Variants in ZDHHC24 observed in about 807,000 individuals in gnomAD.
ZDHHC24 encodes probable palmitoyltransferase ZDHHC24.
In ZDHHC24, 17 loss-of-function variants were observed where a neutral mutation model predicts 23.2. The ratio of observed to expected loss-of-function variants is 0.73; its 90% CI spans 0.50 to 1.10. The LOEUF (loss-of-function observed/expected upper bound fraction) is 1.10. Among genes scored for constraint, ZDHHC24 ranks in the 50% least tolerant of loss-of-function variants. ZDHHC24 has a pLI of 0.00. For missense variants in ZDHHC24, 366 were observed against 393.0 expected, an observed-to-expected ratio of 0.93 and a Z score of 0.58; for synonymous variants, 186 against 194.5, an observed-to-expected ratio of 0.96 and a Z score of 0.36.
chr11:66,532,110 A>G, downstream of ZDHHC24: 1 of 1,460,172 alleles, frequency 6.8e-7, no homozygotes, highest in South Asian at 1.2e-5. Context: ...CCCCAGGCCC[A>G]CTCCTCATGC....
Position 66,545,622 on chromosome 11 carries a change from T to C in ZDHHC24, c.281+101A>G, listed in dbSNP as rs1565299669. On this transcript the variant is annotated intron_variant, in intron 1 of 2. Transcript: ENST00000310442. The surrounding 1 kb of genome is among the most constrained non-coding windows in gnomAD (Gnocchi z 4.5). Reference sequence around the variant, plus strand: ...AAAAAAATGTCTGATTCTAACAACCTGGATCCTAATGTAACCCGGTTCTAA... The same window carrying C: ...AAAAAAATGTCTGATTCTAACAACCCGGATCCTAATGTAACCCGGTTCTAA... The C allele has an allele frequency of 2.3e-6, 3 of 1,299,656 alleles. No individual in the cohort carries two copies. The highest frequency in any genetic ancestry group is 3.0e-6 in the Non-Finnish European group (3 of 989,738). 80.5% of individuals were successfully genotyped at this position (1,299,656 alleles called of 1,614,324 possible). A position where few individuals can be genotyped will look rare whatever the true frequency, so the allele number is the denominator to read the frequency against.
In ZDHHC24 at chr11:66,539,667, C is replaced by G; in HGVS notation, c.717G>C (p.Leu239=). 1.2e-6 allele frequency: 2 copies of G among 1,611,454 alleles called. No homozygotes were observed. Among genetic ancestry groups the G allele is most frequent in the South Asian group, 1.1e-5 (1 of 90,872 alleles). ...CTGCCTGCAGGTTGTGGCAGGGACC[C>G]AGGTCATAGGAGTGCTGGCCCCGAG... ...EWARGQHSYD[L]GPCHNLQAAL... The change falls in exon 3 of 3, where the codon CTG becomes CTC. Residue 239 remains leucine (L), a synonymous_variant. Coordinates refer to ENST00000310442, the MANE Select transcript of ZDHHC24 (RefSeq NM_207340.3).
intron 4 of ZDHHC24, chr11:66,526,922 G>T: frequency 6.2e-7 from 1 of 1,603,236 alleles, no homozygotes; most frequent in Non-Finnish European, 8.5e-7. Flanking sequence ...CGGCCAACTA[G>T]GTAGGTCACT....
chr11:66,531,011 C>T (rs535565890), downstream of ZDHHC24: 1 of 1,614,244 alleles, frequency 6.2e-7, no homozygotes, highest in South Asian at 1.1e-5. Flanking sequence ...CTATTCCCTG[C>T]CCCGGGCCTT....
In ZDHHC24 at chr11:66,537,926, C is replaced by CAAATAAAATAAAATAAAATA. The variant is rs111422692; in HGVS notation, c.*1583_*1602dup. On this transcript the variant is annotated 3_prime_UTR_variant, in exon 3 of 3. Transcript: ENST00000310442. ...CTGGCAACAGAACAAGAGTCTGTCTCAAATAAAATAAAATAAAATAAAATA... is the reference window on the plus strand; with the variant it reads ...CTGGCAACAGAACAAGAGTCTGTCTCAAATAAAATAAAATAAAATAAAATAAAATAAAATAAAATAAAATA... The CAAATAAAATAAAATAAAATA allele has an allele frequency of 1.4e-5, 2 of 140,068 alleles. No individual in the cohort carries two copies. Among genetic ancestry groups the CAAATAAAATAAAATAAAATA allele is most frequent in the Non-Finnish European group, 3.1e-5 (2 of 63,622 alleles). The allele number at this position is 140,068 out of a possible 1,614,324, so 8.7% of individuals were successfully genotyped here. A position where few individuals can be genotyped will look rare whatever the true frequency, so the allele number is the denominator to read the frequency against.
In ZDHHC24 at chr11:66,535,913, T is replaced by C. The variant is rs1339628194; in HGVS notation, c.*3616A>G. ...TGGAACCACATAGAAAAATCAATTA[T>C]TGTATTTTCAATGGATCACTAGGCA... On this transcript the variant is annotated 3_prime_UTR_variant, in exon 3 of 3. Coordinates refer to ENST00000310442, the MANE Select transcript of ZDHHC24 (RefSeq NM_207340.3). The C allele has an allele frequency of 6.6e-6, 1 of 152,128 alleles. No homozygotes were observed. The highest frequency in any genetic ancestry group is 1.5e-5 in the Non-Finnish European group (1 of 68,038). The allele number at this position is 152,128 out of a possible 1,614,324, so 9.4% of individuals were successfully genotyped here. A position where few individuals can be genotyped will look rare whatever the true frequency, so the allele number is the denominator to read the frequency against.
intron 3 of ZDHHC24, among the ~76,000 whole-genome samples, chr11:66,528,885 T>C (rs570370789): frequency 1.3e-5 from 2 of 149,688 alleles, no homozygotes; most frequent in African/African-American, 4.9e-5. Context: ...GGAGAATCGA[T>C]TGAACCCGGG....
chr11:66,526,613 G>C (rs756709192), intron 4 of ZDHHC24: 46 of 1,613,848 alleles, frequency 2.9e-5, no homozygotes, highest in Non-Finnish European at 3.8e-5. Context: ...GTAGAACTGG[G>C]GAGGACAAAT....
At chr11:66,521,256 C>A (rs1330178011) in exon 5 of ZDHHC24, 1 of 1,608,678 alleles carries the variant, frequency 6.2e-7, no homozygotes, top group African/African-American at 1.3e-5. Flanking sequence ...AGTGTTTGCG[C>A]TTCTTGTTTG....
chr11:66,530,749 C>T, downstream of ZDHHC24: 1 of 1,223,426 alleles, frequency 8.2e-7, no homozygotes, highest in Non-Finnish European at 1.2e-6. Context: ...CCCTCTGCCC[C>T]TTCTGGTCTT....
rs1037953533 is a variant in ZDHHC24 at position 66,545,143 on chromosome 11, A to C, written c.281+580T>G. Among the ~76,000 whole-genome samples the C allele has an allele frequency of 6.6e-6, 1 of 152,014 alleles. No homozygotes were observed. Among genetic ancestry groups the C allele is most frequent in the African/African-American group, 2.4e-5 (1 of 41,382 alleles). ...CAACCTCCGCCTCCCAGGTTCAAAC[A>C]ATTCTCTTGCCTCAGCCTCCCCAGT... On this transcript the variant is annotated intron_variant, in intron 1 of 2. Transcript: ENST00000310442. This position sits in a 1 kb window ranked among gnomAD's most constrained non-coding sequence, Gnocchi z 4.5.
intron 2 of ZDHHC24, among the ~76,000 whole-genome samples, chr11:66,540,899 C>T (rs1653534812): frequency 6.6e-6 from 1 of 152,048 alleles, no homozygotes; most frequent in Non-Finnish European, 1.5e-5. Context: ...TTTATCATCC[C>T]ACTTATGTGA....
intron 4 of ZDHHC24, chr11:66,521,611 A>G (rs1856220461): frequency 5.7e-6 from 3 of 529,544 alleles, no homozygotes; most frequent in Non-Finnish European, 6.8e-6. Flanking sequence ...GAGTGATCAG[A>G]AATGAGAGGA....
downstream of ZDHHC24, chr11:66,520,700 A>G (rs1193246229): frequency 5.7e-6 from 1 of 174,604 alleles, no homozygotes; most frequent in Non-Finnish European, 1.3e-5. Flanking sequence ...TATTAATACC[A>G]ATGCTATAGA....
At chr11:66,523,990 TTTG>T in intron 4 of ZDHHC24, 2 of 1,505,608 alleles carry the variant, frequency 1.3e-6, no homozygotes, top group Non-Finnish European at 1.8e-6. Context: ...TTCAAAAACA[TTTG>T]TTGAGGCCAG....
At chr11:66,521,904 C>CAAAA (rs1183524219) in intron 4 of ZDHHC24, among the ~76,000 whole-genome samples, 5 of 36,468 alleles carry the variant, frequency 1.4e-4, no homozygotes, top group South Asian at 2.3e-3. Flanking sequence ...GACTCCGTCT[C>CAAAA]AAAAAAAAAA....
downstream of ZDHHC24, chr11:66,520,814 A>C (rs56380786): frequency 3.9e-6 from 1 of 258,200 alleles, no homozygotes; most frequent in Non-Finnish European, 7.7e-6. Flanking sequence ...GCTTACTGCA[A>C]CCTATGCCAC....
intron 2 of ZDHHC24, chr11:66,529,714 C>T (rs1433352310): frequency 2.1e-6 from 3 of 1,418,068 alleles, no homozygotes; most frequent in Non-Finnish European, 2.9e-6. Flanking sequence ...GCAGCACCCT[C>T]CTCTTGCACC....
chr11:66,538,918 T>C lies in ZDHHC24; in HGVS notation c.*611A>G, dbSNP rs1350547492. The C allele has an allele frequency of 6.6e-6, 1 of 152,334 alleles. No homozygotes were observed. The highest frequency in any genetic ancestry group is 1.9e-4 in the East Asian group (1 of 5,198). 9.4% of individuals were successfully genotyped at this position (152,334 alleles called of 1,614,324 possible). A position where few individuals can be genotyped will look rare whatever the true frequency, so the allele number is the denominator to read the frequency against. ...ACCTGGGTTGGACCCTGCCTCCATT[T>C]GCCGCACCATGATCTTACCACATGG... On this transcript the variant is annotated 3_prime_UTR_variant, in exon 3 of 3. Coordinates refer to ENST00000310442, the MANE Select transcript of ZDHHC24 (RefSeq NM_207340.3).
Sources: gnomAD v4.1 joint callset for allele counts (sites outside exome capture counted in the v4.1 genomes callset) on GRCh38, gnomAD v4.1.1 for gene constraint, Gnocchi (gnomAD v3.1) non-coding constraint, MANE v1.5 for transcripts, NCBI Gene and HGNC (gene_info 2026-07-23, HGNC 2026-07-21) for gene names.